RPTOR: variants seen among roughly 807,000 people sequenced by gnomAD.
RPTOR encodes the protein regulatory associated protein of MTOR complex 1.
A neutral mutation model predicts 169.9 loss-of-function variants in RPTOR; 21 were observed. The observed-to-expected ratio is 0.12, with a 90% CI of 0.09 to 0.18. The LOEUF is 0.18. Among genes scored for constraint, RPTOR ranks in the 10% least tolerant of loss-of-function variants. The probability of loss-of-function intolerance (pLI) is 1.00; values close to 1 mark genes in which losing one functional copy is unlikely to be tolerated. For missense variants in RPTOR, 1,133 were observed against 1,855.9 expected (o/e 0.61, Z 7.16); for synonymous variants, 732 against 753.2 (o/e 0.97, Z 0.46).
rs1026576111 is a variant in RPTOR, at chr17:80,860,321, C to T, written c.1509+2421C>T. On this transcript the variant is annotated intron_variant, in intron 13 of 33. Transcript: ENST00000306801. This position sits in a 1 kb window ranked among gnomAD's most constrained non-coding sequence, Gnocchi z 5.8. ...GTTGTCCAGGCACTGGCAGGCACCC[C>T]GAGCCACAGGCTCGTACCCCGCACT... 2.0e-5 allele frequency among the ~76,000 whole-genome samples: 3 copies of T among 152,232 alleles called. No homozygotes were observed. Among genetic ancestry groups the T allele is most frequent in the South Asian group, 2.1e-4 (1 of 4,836 alleles).
intron 5 of RPTOR, among the ~76,000 whole-genome samples, chr17:80,749,401 G>A (rs2440666): frequency 1.6e-4 from 11 of 67,836 alleles, no homozygotes; most frequent in Non-Finnish European, 2.4e-4. Context: ...ACGCCGTGGC[G>A]GGAGGACCTG....
intron 10 of RPTOR, among the ~76,000 whole-genome samples, chr17:80,838,947 C>T (rs1246691631): frequency 1.3e-5 from 2 of 152,188 alleles, no homozygotes; most frequent in Non-Finnish European, 2.9e-5. Context: ...AGCACAGGGC[C>T]CTTGGGAATT....
chr17:80,890,350 C>T (rs2068305126), intron 17 of RPTOR, among the ~76,000 whole-genome samples: 2 of 152,260 alleles, frequency 1.3e-5, no homozygotes, highest in Non-Finnish European at 2.9e-5. Context: ...TGGGTGTTCG[C>T]TTTGTCGGAG....
rs74980430 is a variant in RPTOR, at chr17:80,845,526, G to C, written c.1213-947G>C. The stretch of plus-strand genomic sequence containing the variant: ...GGCCCCCTTGCTTTGCCGCCTGCCT[G>C]GTTCCCCTGGGGAGCAGCCCTGCTC... On this transcript the variant is annotated intron_variant, in intron 10 of 33. Coordinates refer to ENST00000306801, the MANE Select transcript of RPTOR (RefSeq NM_020761.3). This position sits in a 1 kb window ranked among gnomAD's most constrained non-coding sequence, Gnocchi z 5.4. 6.6e-6 allele frequency among the ~76,000 whole-genome samples: 1 copy of C among 151,476 alleles called. No individual in the cohort carries two copies. Among genetic ancestry groups the C allele is most frequent in the South Asian group, 2.1e-4 (1 of 4,794 alleles).
In RPTOR at chr17:80,721,262, G is replaced by A. The variant is rs531062315; in HGVS notation, c.508-9298G>A. Among the ~76,000 whole-genome samples, 9 of 151,422 alleles carry A rather than the reference G, an allele frequency of 5.9e-5. No homozygotes were observed. The South Asian group carries it at 6.2e-4, about 10-fold the overall frequency. ...TGGGGTCAGTAGGATGAAAGATGTC[G>A]TAGCAGCACAGGCAGCACTGTGGAA... On this transcript the variant is annotated intron_variant, in intron 4 of 33. Coordinates refer to ENST00000306801, the MANE Select transcript of RPTOR (RefSeq NM_020761.3). This position sits in a 1 kb window ranked among gnomAD's most constrained non-coding sequence, Gnocchi z 4.7.
chr17:80,648,811 A>G (rs2065616374), intron 3 of RPTOR, among the ~76,000 whole-genome samples: 2 of 152,008 alleles, frequency 1.3e-5, no homozygotes, highest in Admixed American at 1.3e-4. Flanking sequence ...CCCACGTGCC[A>G]TAGGGGGAAC....
At chr17:80,660,288 G>T (rs1035288665) in intron 3 of RPTOR, among the ~76,000 whole-genome samples, 2 of 142,460 alleles carry the variant, frequency 1.4e-5, no homozygotes, top group Non-Finnish European at 3.1e-5. Flanking sequence ...AAAAAAAAAA[G>T]AATGATAAAT....
intron 21 of RPTOR, among the ~76,000 whole-genome samples, chr17:80,921,351 C>T (rs2068742573): frequency 6.6e-6 from 1 of 152,148 alleles, no homozygotes; most frequent in Non-Finnish European, 1.5e-5. Context: ...TGAGGTTGCC[C>T]CAGCACCATC....
At chr17:80,930,408 C>T (rs2068876833) in intron 24 of RPTOR, among the ~76,000 whole-genome samples, 1 of 142,662 alleles carries the variant, frequency 7.0e-6, no homozygotes, top group Non-Finnish European at 1.5e-5. Flanking sequence ...TCAGCTCATC[C>T]CCAGCTCATC....
intron 7 of RPTOR, among the ~76,000 whole-genome samples, chr17:80,801,227 T>G (rs745581955): frequency 9.9e-5 from 15 of 152,206 alleles, no homozygotes; most frequent in Non-Finnish European, 1.5e-4. Context: ...AAGCATTTAC[T>G]GAGCCCCCAT....
intron 3 of RPTOR, among the ~76,000 whole-genome samples, chr17:80,660,045 CG>C (rs750804292): frequency 2.8e-4 from 42 of 151,916 alleles, no homozygotes; most frequent in Non-Finnish European, 4.7e-4. Flanking sequence ...CCGAGGTGGG[CG>C]GATCATCTGA....
chr17:80,711,742 G>GTTTTTTTTTTTTTT (rs1298623680), intron 4 of RPTOR, among the ~76,000 whole-genome samples: 9 of 51,382 alleles, frequency 1.8e-4, no homozygotes, highest in African/African-American at 7.4e-4. Flanking sequence ...TTATACATCA[G>GTTTTTTTTTTTTTT]TCTTTTTTTT....
intron 1 of RPTOR, among the ~76,000 whole-genome samples, chr17:80,606,660 A>G (rs2065231625): frequency 1.3e-5 from 2 of 152,106 alleles, no homozygotes; most frequent in South Asian, 2.1e-4. Flanking sequence ...ACTGTGGGAA[A>G]TCATTTGTCA....
Position 80,889,806 on chromosome 17 carries a change from A to G in RPTOR, c.1984-1914A>G, listed in dbSNP as rs34423467. Among the ~76,000 whole-genome samples, 87 of 145,002 alleles carry G rather than the reference A, an allele frequency of 6.0e-4. 1 individual carries two copies. The highest frequency in any genetic ancestry group is 1.6e-3 in the African/African-American group (60 of 38,546). Reference sequence around the variant, plus strand: ...ATCTCCAGCAGGATGTGCGGCCTCCAAGGGAGGCCCCCGTACGCAGCAGGA... The same window carrying G: ...ATCTCCAGCAGGATGTGCGGCCTCCGAGGGAGGCCCCCGTACGCAGCAGGA... On this transcript the variant is annotated intron_variant, in intron 17 of 33. Transcript: ENST00000306801.
chr17:80,565,092 C>T (rs934264564), intron 1 of RPTOR, among the ~76,000 whole-genome samples: 8 of 152,126 alleles, frequency 5.3e-5, no homozygotes, highest in African/African-American at 1.4e-4. Flanking sequence ...CATAAGCATG[C>T]GTGTCTTTAT....
rs1430273955 is a variant in RPTOR at position 80,910,537 on chromosome 17, C to T, written c.2520+1608C>T. Reference sequence around the variant, plus strand: ...GGTGTTCTACGTCTTCATCTGACCTCGTCACGGCTATGGCGTTGCCTCGGG... The same window carrying T: ...GGTGTTCTACGTCTTCATCTGACCTTGTCACGGCTATGGCGTTGCCTCGGG... On this transcript the variant is annotated intron_variant, in intron 21 of 33. Coordinates refer to ENST00000306801, the MANE Select transcript of RPTOR (RefSeq NM_020761.3). 3.9e-5 allele frequency among the ~76,000 whole-genome samples: 6 copies of T among 152,166 alleles called. No individual in the cohort carries two copies. The South Asian group carries it at 6.2e-4, about 16-fold the overall frequency.
At chr17:80,937,408 G>A (rs925201877) in intron 24 of RPTOR, among the ~76,000 whole-genome samples, 1 of 152,150 alleles carries the variant, frequency 6.6e-6, no homozygotes, top group Non-Finnish European at 1.5e-5. Flanking sequence ...CTGCTTTCCC[G>A]TAAGTCTTCT....
chr17:80,821,653 C>T (rs1333710779), intron 7 of RPTOR, among the ~76,000 whole-genome samples: 1 of 152,174 alleles, frequency 6.6e-6, no homozygotes, highest in African/African-American at 2.4e-5. Flanking sequence ...TGTTCATTTG[C>T]CTGTTACCTG....
At chr17:80,596,769 A>G (rs1264486186) in intron 1 of RPTOR, among the ~76,000 whole-genome samples, 2 of 152,136 alleles carry the variant, frequency 1.3e-5, no homozygotes, top group African/African-American at 4.8e-5. Flanking sequence ...GGATCCAAAG[A>G]GAGGCTAGCT....
Sources: allele counts gnomAD v4.1 joint callset (sites outside exome capture counted in the v4.1 genomes callset), GRCh38; gene constraint gnomAD v4.1.1; non-coding constraint Gnocchi (gnomAD v3.1); transcripts MANE v1.5; gene names NCBI Gene and HGNC (gene_info 2026-07-23, HGNC 2026-07-21).